PDE11A: variants seen among roughly 807,000 people sequenced by gnomAD.
PDE11A encodes phosphodiesterase 11A.
Under a neutral mutation model 100.5 loss-of-function variants are expected in PDE11A, and 100 were observed. The observed-to-expected ratio is 1.00, with a 90% CI of 0.85 to 1.18. The LOEUF is 1.18. PDE11A is among the 50% of genes most tolerant of loss of function. The pLI is 0.00. For missense variants in PDE11A, 1,141 were observed against 1,152.6 expected (o/e 0.99, Z 0.15); for synonymous variants, 381 against 420.8 (o/e 0.91, Z 1.16).
chr2:177,763,825 T>C (rs1005466080), intron 10 of PDE11A, among the ~76,000 whole-genome samples: 1 of 152,158 alleles, frequency 6.6e-6, no homozygotes, highest in African/African-American at 2.4e-5. Context: ...CTAGCGCGTG[T>C]AGTGCCTTTG....
intron 2 of PDE11A, among the ~76,000 whole-genome samples, chr2:177,944,771 G>C (rs954661088): frequency 2.7e-5 from 4 of 149,810 alleles, no homozygotes; most frequent in Non-Finnish European, 4.4e-5. Flanking sequence ...CCGAGGACTC[G>C]GTCCCAGTTT....
chr2:177,689,875 A>G (rs2081017285), intron 15 of PDE11A, among the ~76,000 whole-genome samples: 1 of 152,210 alleles, frequency 6.6e-6, no homozygotes, highest in East Asian at 1.9e-4. Flanking sequence ...CACCAGGCAA[A>G]GAAGCTGTGT....
chr2:177,740,878 A>C (rs527407886), intron 10 of PDE11A, among the ~76,000 whole-genome samples: 3 of 152,254 alleles, frequency 2.0e-5, no homozygotes, highest in Non-Finnish European at 4.4e-5. Flanking sequence ...GCAAGTAATT[A>C]ATAAATGTGG....
intron 5 of PDE11A, among the ~76,000 whole-genome samples, chr2:177,855,711 C>A (rs951248256): frequency 4.6e-5 from 7 of 151,940 alleles, no homozygotes; most frequent in Admixed American, 2.6e-4. Flanking sequence ...TGAGAACAGC[C>A]TTTACCCCCA....
intron 15 of PDE11A, among the ~76,000 whole-genome samples, chr2:177,681,263 A>G (rs897231030): frequency 6.6e-6 from 1 of 152,240 alleles, no homozygotes; most frequent in Non-Finnish European, 1.5e-5. Flanking sequence ...GGACAATTCT[A>G]GAATGTTCTT....
rs528458975 is a variant in PDE11A at position 177,757,841 on chromosome 2, G to A, written c.1788+11482C>T. ...TTCTACCATGTGGTCTTATAGAAAC[G>A]ATTCTAGAGTTTTCTGTTACAGTGG... On this transcript the variant is annotated intron_variant, in intron 10 of 19. Transcript: ENST00000286063. 1.2e-4 allele frequency among the ~76,000 whole-genome samples: 18 copies of A among 152,208 alleles called. No homozygotes were observed. In the South Asian group the frequency reaches 2.5e-3, roughly 21 times the overall value.
At chr2:177,920,148 T>C (rs936149960) in intron 2 of PDE11A, among the ~76,000 whole-genome samples, 4 of 152,098 alleles carry the variant, frequency 2.6e-5, no homozygotes, top group African/African-American at 9.7e-5. Context: ...TTTACATAGT[T>C]CTTCATTGTG....
chr2:177,861,775 T>A (rs1352615758), intron 5 of PDE11A, among the ~76,000 whole-genome samples: 1 of 151,932 alleles, frequency 6.6e-6, no homozygotes, highest in African/African-American at 2.4e-5. Flanking sequence ...ATATCTATGG[T>A]CAATTGACTT....
chr2:177,702,033 T>C (rs1217422451), intron 13 of PDE11A, among the ~76,000 whole-genome samples: 3 of 152,248 alleles, frequency 2.0e-5, no homozygotes, highest in African/African-American at 7.2e-5. Flanking sequence ...ATGTAGTAGA[T>C]TGTAGTCTGT....
chr2:177,898,180 T>C lies in PDE11A; in HGVS notation c.1180A>G (p.Asn394Asp). The change falls in exon 4 of 20, where the codon AAT becomes GAT. Residue 394 changes from asparagine (N) to aspartate (D), a missense_variant. Physicochemically the swap from Asn to Asp is conservative, Grantham distance 23. Transcript: ENST00000286063. ...ERSRALLEVV[N>D]DLFEEQTDLE... ...TCAGTCTGTTCTTCAAAGAGGTCAT[T>C]AACCACCTCTAGCAAAGCCTAGAAA... 1 of 1,607,890 alleles carries C rather than the reference T, an allele frequency of 6.2e-7. No homozygotes were observed. Among genetic ancestry groups the C allele is most frequent in the Non-Finnish European group, 8.5e-7 (1 of 1,174,338 alleles).
chr2:177,935,745 G>A (rs527471101), intron 2 of PDE11A, among the ~76,000 whole-genome samples: 1 of 152,262 alleles, frequency 6.6e-6, no homozygotes, highest in East Asian at 1.9e-4. Context: ...AGAAGACCTA[G>A]GTTTAAGGCC....
At chr2:177,687,184 A>T (rs926877532) in intron 15 of PDE11A, 5 of 152,324 alleles carry the variant, frequency 3.3e-5, no homozygotes, top group Middle Eastern at 3.4e-3. Flanking sequence ...TATAAAAATT[A>T]CACAGTGGAC....
intron 9 of PDE11A, among the ~76,000 whole-genome samples, chr2:177,814,255 TA>T (rs1461139029): frequency 6.7e-6 from 1 of 148,918 alleles, no homozygotes; most frequent in Non-Finnish European, 1.5e-5. Context: ...TATTCATATA[TA>T]ATATGTATAA....
chr2:178,014,308 A>G lies in PDE11A; in HGVS notation c.1065T>C (p.Asp355=). 1.2e-6 allele frequency: 2 copies of G among 1,611,556 alleles called. No individual in the cohort carries two copies. Among genetic ancestry groups the G allele is most frequent in the Non-Finnish European group, 8.5e-7 (1 of 1,177,708 alleles). Residue 355 remains aspartate, a synonymous_variant, in exon 2 of 20, where the codon GAT becomes GAC. Coordinates refer to ENST00000286063, the MANE Select transcript of PDE11A (RefSeq NM_016953.4). ...AAAAGGCATGAAATCTTACTTTTTC[A>G]TCATCTTCAGTAAATGGAGCTCCTT... is the stretch of plus-strand genomic sequence containing the variant. ...IPEGAPFTED[D]EKVMQMYLPF...
At chr2:177,691,726 G>A (rs2081043077) in intron 15 of PDE11A, among the ~76,000 whole-genome samples, 1 of 152,034 alleles carries the variant, frequency 6.6e-6, no homozygotes, top group Non-Finnish European at 1.5e-5. Flanking sequence ...GCTCCTTGAA[G>A]GCCCAGAGAG....
At chr2:177,878,347 TG>T (rs1451604733) in intron 4 of PDE11A, among the ~76,000 whole-genome samples, 2 of 152,136 alleles carry the variant, frequency 1.3e-5, no homozygotes, top group Non-Finnish European at 2.9e-5. Flanking sequence ...TTAAATCCGG[TG>T]GGCTTCTGAA....
At chr2:177,699,793 T>A (rs372572234) in intron 14 of PDE11A, among the ~76,000 whole-genome samples, 1 of 152,202 alleles carries the variant, frequency 6.6e-6, no homozygotes, top group Non-Finnish European at 1.5e-5. Flanking sequence ...GCTGGGACAG[T>A]GCATGGTTCC....
chr2:178,085,603 A>G lies in PDE11A; in HGVS notation c.162+18699T>C, dbSNP rs560073819. ...TGAAGAAACTGAAGAACAAAATGTTACTAGTGTATTTGGTCATTACTAGCT... is the reference window on the plus strand; with the variant it reads ...TGAAGAAACTGAAGAACAAAATGTTGCTAGTGTATTTGGTCATTACTAGCT... On this transcript the variant is annotated intron_variant, in intron 2 of 20. Transcript: ENST00000358450. 3.3e-5 allele frequency among the ~76,000 whole-genome samples: 5 copies of G among 152,318 alleles called. No homozygotes were observed. The South Asian group carries it at 1.0e-3, about 32-fold the overall frequency.
At chr2:177,918,325 T>G (rs2084984827) in intron 2 of PDE11A, among the ~76,000 whole-genome samples, 1 of 152,232 alleles carries the variant, frequency 6.6e-6, no homozygotes, top group Admixed American at 6.5e-5. Context: ...CCATATTCAG[T>G]CTATCTGCAA....
Sources: gnomAD v4.1 joint callset for allele counts (sites outside exome capture counted in the v4.1 genomes callset) on GRCh38, gnomAD v4.1.1 for gene constraint, MANE v1.5 for transcripts, NCBI Gene and HGNC (gene_info 2026-07-23, HGNC 2026-07-21) for gene names.